The following PLOD2 variants were observed in gnomAD, a reference collection of about 807,000 sequenced individuals.
PLOD2 encodes the protein procollagen-lysine,2-oxoglutarate 5-dioxygenase 2, also known as lysine hydroxylase 2.
PLOD2 carries 65 observed loss-of-function variants against 101.0 expected under a neutral mutation model. The ratio of observed to expected loss-of-function variants is 0.64; its 90% CI spans 0.53 to 0.79. The LOEUF (loss-of-function observed/expected upper bound fraction) is 0.79. Among genes scored for constraint, PLOD2 ranks in the 30% least tolerant of loss-of-function variants. The probability of loss-of-function intolerance (pLI) is 0.00; values close to 1 mark genes in which losing one functional copy is unlikely to be tolerated. For missense variants in PLOD2, 909 were observed against 914.6 expected (o/e 0.99, Z 0.08); for synonymous variants, 314 against 302.9 (o/e 1.04, Z -0.38).
intron 6 of PLOD2, 108 bp downstream of exon 6, chr3:146,104,171 A>C: frequency 1.3e-6 from 1 of 765,466 alleles, no homozygotes; most frequent in South Asian, 1.4e-5. Context: ...CAATATTTAC[A>C]CTGTCGACCT....
At chr3:146,151,452 G>A (rs572921894) in intron 1 of PLOD2, among the ~76,000 whole-genome samples, 4 of 151,950 alleles carry the variant, frequency 2.6e-5, no homozygotes, top group Non-Finnish European at 2.9e-5. Context: ...AGCCAAGATC[G>A]CGCCATTGCA....
chr3:146,128,577 T>C (rs1613796), intron 1 of PLOD2, among the ~76,000 whole-genome samples: 1 of 151,896 alleles, frequency 6.6e-6, no homozygotes, highest in African/African-American at 2.4e-5. Context: ...TAAATGGCTG[T>C]ATATTTTGCT....
intron 14 of PLOD2, 185 bp from the exon 15 acceptor site, chr3:146,077,080 A>G: frequency 7.8e-7 from 1 of 1,276,382 alleles, no homozygotes; most frequent in Non-Finnish European, 9.9e-7. Context: ...TTATGAATTC[A>G]GACACCACAC....
intron 8 of PLOD2, chr3:146,088,956 C>T (rs1030098208): frequency 6.3e-6 from 3 of 473,060 alleles, no homozygotes; most frequent in Non-Finnish European, 1.1e-5. Flanking sequence ...TGAAATTATC[C>T]TATTTATTAC....
chr3:146,120,099 C>T (rs1402175542), intron 3 of PLOD2, among the ~76,000 whole-genome samples: 4 of 127,684 alleles, frequency 3.1e-5, no homozygotes, highest in African/African-American at 9.0e-5. Context: ...TCCTCTCCAG[C>T]ACCTGTTGTT....
intron 1 of PLOD2, among the ~76,000 whole-genome samples, chr3:146,150,930 C>T (rs1004879511): frequency 2.6e-5 from 4 of 152,118 alleles, no homozygotes; most frequent in Non-Finnish European, 5.9e-5. Flanking sequence ...TATAAAAACA[C>T]TTGGAACCTT....
At chr3:146,072,261 T>C (rs538714340) in intron 17 of PLOD2, among the ~76,000 whole-genome samples, 4 of 114,728 alleles carry the variant, frequency 3.5e-5, no homozygotes, top group South Asian at 5.4e-4. Flanking sequence ...AAGAGTGACA[T>C]CACTCTGTAA....
At chr3:146,088,878 T>C in intron 8 of PLOD2, 167 bp from the exon 9 acceptor site, 1 of 606,700 alleles carries the variant, frequency 1.6e-6, no homozygotes, top group Non-Finnish European at 2.9e-6. Context: ...TTGAAACAAA[T>C]TTTTGTGGCC....
chr3:146,102,582 T>A (rs1183404408), intron 7 of PLOD2, among the ~76,000 whole-genome samples, 173 bp downstream of exon 7: 4 of 152,180 alleles, frequency 2.6e-5, no homozygotes, highest in African/African-American at 7.2e-5. Flanking sequence ...ATCAGTTTGA[T>A]TAATTAATTA....
intron 15 of PLOD2, 137 bp downstream of exon 15, chr3:146,076,645 T>A: frequency 1.7e-6 from 1 of 587,860 alleles, no homozygotes; most frequent in Non-Finnish European, 3.1e-6. Flanking sequence ...TGAGACAGTA[T>A]CTCATTGTGG....
chr3:146,137,975 G>C (rs1011665914), intron 1 of PLOD2, among the ~76,000 whole-genome samples: 27 of 152,120 alleles, frequency 1.8e-4, no homozygotes, highest in African/African-American at 6.0e-4. Flanking sequence ...GGGTCTCAAA[G>C]ACATGAGAAT....
intron 1 of PLOD2, among the ~76,000 whole-genome samples, chr3:146,154,909 T>C (rs2032228742): frequency 6.6e-6 from 1 of 152,256 alleles, no homozygotes; most frequent in African/African-American, 2.4e-5. Flanking sequence ...CTTCCCTCTT[T>C]TAATACACAA....
Position 146,069,867 on chromosome 3 carries a change from T to C in PLOD2, c.*850A>G, listed in dbSNP as rs1465298921. Reference sequence around the variant, plus strand: ...TGCACTACTCATCTCAATGAAATTTTTCGTTTTCCTATTTTCTAGAACTTT... The same window carrying C: ...TGCACTACTCATCTCAATGAAATTTCTCGTTTTCCTATTTTCTAGAACTTT... On this transcript the variant is annotated 3_prime_UTR_variant, in exon 20 of 20. Transcript: ENST00000282903. The C allele has an allele frequency of 6.6e-6, 1 of 152,274 alleles. No homozygotes were observed. Among genetic ancestry groups the C allele is most frequent in the East Asian group, 1.9e-4 (1 of 5,172 alleles). 9.4% of individuals were successfully genotyped at this position (152,274 alleles called of 1,614,324 possible). A position where few individuals can be genotyped will look rare whatever the true frequency, so the allele number is the denominator to read the frequency against.
intron 3 of PLOD2, among the ~76,000 whole-genome samples, chr3:146,116,204 C>T (rs1284356772): frequency 6.6e-6 from 1 of 151,860 alleles, no homozygotes; most frequent in African/African-American, 2.4e-5. Context: ...TACTATGGAT[C>T]CACTCCTAAC....
intron 1 of PLOD2, among the ~76,000 whole-genome samples, chr3:146,134,490 T>C (rs1261019880): frequency 6.6e-6 from 1 of 152,212 alleles, no homozygotes; most frequent in Non-Finnish European, 1.5e-5. Flanking sequence ...CCTCCACAAA[T>C]GAATGAGAAA....
At chr3:146,158,630 C>T (rs1326259118) in intron 1 of PLOD2, among the ~76,000 whole-genome samples, 3 of 151,536 alleles carry the variant, frequency 2.0e-5, no homozygotes, top group Non-Finnish European at 4.4e-5. Context: ...GATTCTTAAC[C>T]CTGGGCAATT....
intron 1 of PLOD2, among the ~76,000 whole-genome samples, chr3:146,130,595 T>C (rs2108108561): frequency 6.6e-6 from 1 of 152,278 alleles, no homozygotes; most frequent in South Asian, 2.1e-4. Context: ...ATGTCTTGCA[T>C]GTAGGTGTGA....
intron 15 of PLOD2, among the ~76,000 whole-genome samples, chr3:146,075,422 T>G (rs1432854007): frequency 6.9e-6 from 1 of 144,640 alleles, no homozygotes; most frequent in Admixed American, 7.2e-5. Flanking sequence ...AGTGTGCCAC[T>G]TGCCTAACAA....
chr3:146,149,591 A>G (rs866801567), intron 1 of PLOD2, among the ~76,000 whole-genome samples: 4 of 152,172 alleles, frequency 2.6e-5, no homozygotes, highest in Non-Finnish European at 4.4e-5. Flanking sequence ...TTAAAAAAAT[A>G]TGTTTATGCT....
Sources: gnomAD v4.1 joint callset for allele counts (sites outside exome capture counted in the v4.1 genomes callset) on GRCh38, gnomAD v4.1.1 for gene constraint, MANE v1.5 for transcripts, NCBI Gene and HGNC (gene_info 2026-07-23, HGNC 2026-07-21) for gene names.